The following HIBADH variants were observed in gnomAD, a reference collection of about 807,000 sequenced individuals.
HIBADH encodes 3-hydroxyisobutyrate dehydrogenase, mitochondrial.
Under a neutral mutation model 36.1 loss-of-function variants are expected in HIBADH, and 25 were observed. That is an observed-to-expected ratio of 0.69 (90% CI 0.50 to 0.97). The LOEUF is 0.97. Among genes scored for constraint, HIBADH ranks in the 50% least tolerant of loss-of-function variants. HIBADH has a pLI of 0.00. For missense variants in HIBADH, 421 were observed against 418.0 expected (o/e 1.01, Z -0.06); for synonymous variants, 160 against 149.5 (o/e 1.07, Z -0.51).
intron 4 of HIBADH, among the ~76,000 whole-genome samples, chr7:27,550,352 G>T (rs983597615): frequency 6.6e-6 from 1 of 152,126 alleles, no homozygotes; most frequent in African/African-American, 2.4e-5. Flanking sequence ...GTTGTAGGAA[G>T]CAATGAATTT....
intron 4 of HIBADH, among the ~76,000 whole-genome samples, chr7:27,580,777 G>A (rs956156392): frequency 6.6e-6 from 1 of 152,140 alleles, no homozygotes; most frequent in Non-Finnish European, 1.5e-5. Flanking sequence ...CTAGCAGAGT[G>A]GTTCTCAATC....
At chr7:27,565,738 A>G (rs1249135048) in intron 4 of HIBADH, among the ~76,000 whole-genome samples, 2 of 152,182 alleles carry the variant, frequency 1.3e-5, no homozygotes, top group Non-Finnish European at 2.9e-5. Flanking sequence ...GAAAGCATTT[A>G]GTCTTTCACT....
intron 1 of HIBADH, among the ~76,000 whole-genome samples, chr7:27,660,170 T>C (rs992554064): frequency 6.6e-6 from 1 of 152,256 alleles, no homozygotes; most frequent in African/African-American, 2.4e-5. Flanking sequence ...TCATATGATA[T>C]AAACATCTTA....
chr7:27,655,399 C>T (rs1786280813), intron 1 of HIBADH, among the ~76,000 whole-genome samples: 1 of 152,072 alleles, frequency 6.6e-6, no homozygotes, highest in Admixed American at 6.5e-5. Context: ...AATTTACTTT[C>T]AAATGATTCA....
intron 4 of HIBADH, among the ~76,000 whole-genome samples, chr7:27,571,819 G>A (rs1784632824): frequency 6.6e-6 from 1 of 152,120 alleles, no homozygotes; most frequent in Non-Finnish European, 1.5e-5. Flanking sequence ...TTTAATTATT[G>A]GTTGAGTATC....
intron 1 of HIBADH, among the ~76,000 whole-genome samples, chr7:27,652,835 G>A (rs1786222137): frequency 6.6e-6 from 1 of 152,158 alleles, no homozygotes; most frequent in South Asian, 2.1e-4. Context: ...TATATTGAGG[G>A]TTAGGAATTT....
intron 7 of HIBADH, among the ~76,000 whole-genome samples, chr7:27,528,873 G>C (rs1783952718): frequency 6.6e-6 from 1 of 152,214 alleles, no homozygotes; most frequent in South Asian, 2.1e-4. Flanking sequence ...GTCAATGTCT[G>C]TTTCCAAAGC....
intron 4 of HIBADH, among the ~76,000 whole-genome samples, chr7:27,623,842 G>A (rs575137215): frequency 6.6e-6 from 1 of 152,266 alleles, no homozygotes; most frequent in Admixed American, 6.5e-5. Context: ...CTGTCACCCA[G>A]GCTGGAGTGC....
chr7:27,571,388 A>G (rs1418537474), intron 4 of HIBADH, among the ~76,000 whole-genome samples: 1 of 151,808 alleles, frequency 6.6e-6, no homozygotes, highest in African/African-American at 2.4e-5. Flanking sequence ...ATGCCCGGCT[A>G]ATTTTCTTGT....
intron 1 of HIBADH, among the ~76,000 whole-genome samples, chr7:27,657,323 G>A (rs916241384): frequency 6.6e-6 from 1 of 152,116 alleles, no homozygotes; most frequent in Non-Finnish European, 1.5e-5. Flanking sequence ...CCTAGAGAGA[G>A]ACCTTATGAA....
intron 6 of HIBADH, among the ~76,000 whole-genome samples, chr7:27,535,755 C>CT (rs201314026): frequency 0.036 from 5,305 of 145,356 alleles, 264 homozygotes; most frequent in African/African-American, 0.12. Context: ...TTACTCTTTA[C>CT]TTTTTTTTTT....
At chr7:27,570,787 G>C (rs565834671) in intron 4 of HIBADH, among the ~76,000 whole-genome samples, 1 of 138,310 alleles carries the variant, frequency 7.2e-6, no homozygotes, top group East Asian at 2.2e-4. Context: ...TTTCCCAGCT[G>C]CTTTACACGT....
intron 4 of HIBADH, among the ~76,000 whole-genome samples, chr7:27,562,348 T>C (rs1275883925): frequency 1.3e-5 from 2 of 152,358 alleles, no homozygotes; most frequent in Admixed American, 1.3e-4. Flanking sequence ...CACACATTAC[T>C]TCTGTTCAGT....
intron 4 of HIBADH, among the ~76,000 whole-genome samples, chr7:27,552,355 GA>G (rs778174388): frequency 6.6e-6 from 1 of 152,168 alleles, no homozygotes; most frequent in Non-Finnish European, 1.5e-5. Context: ...GCTGGAAACA[GA>G]AAAGCAAAAA....
chr7:27,626,734 A>G (rs1785655554), intron 4 of HIBADH, among the ~76,000 whole-genome samples: 1 of 152,224 alleles, frequency 6.6e-6, no homozygotes, highest in African/African-American at 2.4e-5. Context: ...ACCATAGGAT[A>G]ATAGAAGTAT....
At chr7:27,653,462 G>A (rs544406822) in intron 1 of HIBADH, among the ~76,000 whole-genome samples, 25 of 152,270 alleles carry the variant, frequency 1.6e-4, no homozygotes, top group Admixed American at 1.2e-3. Flanking sequence ...CCGGCCGGGC[G>A]TGGTGGCTCA....
At chr7:27,605,492 G>T (rs1785205084) in intron 4 of HIBADH, among the ~76,000 whole-genome samples, 3 of 124,030 alleles carry the variant, frequency 2.4e-5, no homozygotes, top group South Asian at 2.8e-4. Flanking sequence ...CCCAGGGAGG[G>T]GGGTGGAATC....
chr7:27,526,267 T>C lies in HIBADH; in HGVS notation c.958A>G (p.Lys320Glu), dbSNP rs1562609144. ...YRMMCAKGYSKKDFSSVFQFL... is the reference protein window; with the variant it reads ...YRMMCAKGYSEKDFSSVFQFL... ...TGGAACACGGATGAGAAGTCTTTCT[T>C]TGAGTAGCCCTTTGCACACATCATC... is the stretch of plus-strand genomic sequence containing the variant. Residue 320 changes from lysine (K) to glutamate (E), a missense_variant, in exon 8 of 8, where the codon AAG (lysine) becomes GAG (glutamate). Transcript: ENST00000265395. The C allele has an allele frequency of 1.9e-6, 3 of 1,613,056 alleles. No individual in the cohort carries two copies. Among genetic ancestry groups the C allele is most frequent in the Non-Finnish European group, 2.5e-6 (3 of 1,179,560 alleles).
At chr7:27,561,742 T>C (rs975555596) in intron 4 of HIBADH, among the ~76,000 whole-genome samples, 2 of 152,188 alleles carry the variant, frequency 1.3e-5, no homozygotes, top group Admixed American at 6.5e-5. Flanking sequence ...AAATTTCTTC[T>C]TGTGGTTCTA....
Sources: gnomAD v4.1 joint callset for allele counts (sites outside exome capture counted in the v4.1 genomes callset) on GRCh38, gnomAD v4.1.1 for gene constraint, MANE v1.5 for transcripts, NCBI Gene and HGNC (gene_info 2026-07-23, HGNC 2026-07-21) for gene names.